CCDC171: variants seen among roughly 807,000 people sequenced by gnomAD.
CCDC171 encodes the protein coiled-coil domain containing 171, also known as coiled-coil domain-containing protein 171.
In CCDC171, 177 loss-of-function variants were observed where a neutral mutation model predicts 168.2. The ratio of observed to expected loss-of-function variants is 1.05; its 90% CI spans 0.93 to 1.19. The LOEUF is 1.19. CCDC171 is among the 50% of genes most tolerant of loss of function. The pLI, the probability that CCDC171 is intolerant of heterozygous loss-of-function variation, is 0.00. For missense variants in CCDC171, 1,991 were observed against 1,539.0 expected (o/e 1.29, Z -4.91); for synonymous variants, 687 against 540.8 (o/e 1.27, Z -3.75).
chr9:15,987,037 A>G (rs1046838891), intron 3 of CCDC171, among the ~76,000 whole-genome samples: 5 of 151,296 alleles, frequency 3.3e-5, no homozygotes, highest in South Asian at 2.1e-4. Flanking sequence ...TGTACTAGAA[A>G]TATACATAGG....
chr9:15,733,478 G>GTTT (rs77820713), intron 16 of CCDC171, among the ~76,000 whole-genome samples: 2 of 124,676 alleles, frequency 1.6e-5, no homozygotes, highest in Non-Finnish European at 3.4e-5. Context: ...ATTAAGGTCA[G>GTTT]TTTTTTTTTT....
At chr9:15,642,477 C>CTAGT (rs1206719030) in intron 7 of CCDC171, among the ~76,000 whole-genome samples, 1 of 150,790 alleles carries the variant, frequency 6.6e-6, no homozygotes, top group East Asian at 1.9e-4. Context: ...GAATGTTACA[C>CTAGT]TAGTTCTCCT....
chr9:15,972,289 C>T lies in CCDC171; in HGVS notation c.*453C>T, dbSNP rs1348798399. The T allele has an allele frequency of 6.2e-6, 1 of 161,676 alleles. No individual in the cohort carries two copies. Among genetic ancestry groups the T allele is most frequent in the Admixed American group, 6.3e-5 (1 of 15,950 alleles). The allele number at this position is 161,676 out of a possible 1,614,324, so 10.0% of individuals were successfully genotyped here. Reference sequence around the variant, plus strand: ...GCCATGGTTCACTGAGCCCCCTCTTCTCTCTTGTCAGCTCAACTGAAGACA... The same window carrying T: ...GCCATGGTTCACTGAGCCCCCTCTTTTCTCTTGTCAGCTCAACTGAAGACA... On this transcript the variant is annotated 3_prime_UTR_variant, in exon 26 of 26. Coordinates refer to ENST00000380701, the MANE Select transcript of CCDC171 (RefSeq NM_173550.4).
At chr9:15,762,606 C>A (rs1176298263) in intron 18 of CCDC171, among the ~76,000 whole-genome samples, 1 of 152,136 alleles carries the variant, frequency 6.6e-6, no homozygotes, top group Admixed American at 6.5e-5. Context: ...ATAGAATGAA[C>A]AACATTCTCA....
chr9:16,004,199 C>T (rs1832635626), intron 3 of CCDC171, among the ~76,000 whole-genome samples: 1 of 149,340 alleles, frequency 6.7e-6, no homozygotes, highest in African/African-American at 2.5e-5. Context: ...TGCACATTCA[C>T]ATTTGGGGTA....
intron 21 of CCDC171, among the ~76,000 whole-genome samples, chr9:15,797,749 A>C (rs576824122): frequency 6.6e-6 from 1 of 152,234 alleles, no homozygotes; most frequent in African/African-American, 2.4e-5. Context: ...TCATCTAAGA[A>C]ATGTTTGCCT....
At chr9:15,937,557 A>G (rs1230671424) in intron 25 of CCDC171, among the ~76,000 whole-genome samples, 1 of 151,960 alleles carries the variant, frequency 6.6e-6, no homozygotes, top group Non-Finnish European at 1.5e-5. Context: ...CTTATATACT[A>G]TGAATACTTT....
intron 8 of CCDC171, among the ~76,000 whole-genome samples, chr9:15,665,642 G>A (rs2048681847): frequency 1.3e-5 from 2 of 152,232 alleles, no homozygotes; most frequent in South Asian, 4.1e-4. Context: ...TTAGCTGGGT[G>A]TGGTGGTGTG....
rs1271134002 is a variant in CCDC171 at position 15,745,632 on chromosome 9, G to T, written c.2671+1G>T. 1.3e-6 allele frequency: 2 copies of T among 1,538,722 alleles called. No individual in the cohort carries two copies. The highest frequency in any genetic ancestry group is 2.2e-5 in the Admixed American group (1 of 45,464). ...TTACAAGACGTCATTGGTAAAGCAG[G>T]TATGGTTCCTTCTTTTATGTCCTTG... On this transcript the variant is annotated splice_donor_variant, in intron 18 of 25. Coordinates refer to ENST00000380701, the MANE Select transcript of CCDC171 (RefSeq NM_173550.4). LOFTEE classifies it high-confidence loss of function.
intron 1 of CCDC171, among the ~76,000 whole-genome samples, chr9:15,555,095 C>G (rs1001854636): frequency 3.3e-5 from 5 of 152,166 alleles, no homozygotes; most frequent in Non-Finnish European, 5.9e-5. Context: ...GCTCCGAAAT[C>G]TAAAGTAGAT....
rs1451743523 is a variant in CCDC171 at position 15,894,916 on chromosome 9, C to T, written c.3600+20253C>T. ...CAGGGCAGGGCTTTATATACTTTAC[C>T]ACAGTATCTTCAGCACCTAGAACAT... On this transcript the variant is annotated intron_variant, in intron 24 of 25. Transcript: ENST00000380701. 2.0e-5 allele frequency among the ~76,000 whole-genome samples: 3 copies of T among 152,046 alleles called. No homozygotes were observed. The East Asian group carries it at 5.8e-4, about 29-fold the overall frequency.
chr9:16,090,204 A>G, the CCDC171 span, among the ~76,000 whole-genome samples: 1 of 152,240 alleles, frequency 6.6e-6, no homozygotes, highest in African/African-American at 2.4e-5. Flanking sequence ...GATAAAGAAA[A>G]TGTGACACAT....
Position 15,623,355 on chromosome 9 carries a change from A to G in CCDC171, c.764A>G (p.Gln255Arg). The G allele has an allele frequency of 3.1e-6, 5 of 1,612,526 alleles. No homozygotes were observed. Among genetic ancestry groups the G allele is most frequent in the Non-Finnish European group, 4.2e-6 (5 of 1,179,096 alleles). ...HMDCSDLLRR[Q>R]TSELEFSTQR... ...GACTGCTCTGACCTTTTACGGCGAC[A>G]AACAAGTGAACTTGAATTTAGCACT... The change falls in exon 7 of 26, where the codon CAA becomes CGA. Residue 255 changes from glutamine to arginine, a missense_variant. Coordinates refer to ENST00000380701, the MANE Select transcript of CCDC171 (RefSeq NM_173550.4).
chr9:15,936,227 T>G (rs918986139), intron 25 of CCDC171, among the ~76,000 whole-genome samples: 12 of 152,026 alleles, frequency 7.9e-5, no homozygotes, highest in African/African-American at 2.4e-5. Flanking sequence ...TCTTTCTTAA[T>G]AACAGAGTTG....
intron 24 of CCDC171, among the ~76,000 whole-genome samples, chr9:15,889,626 G>C (rs938440868): frequency 6.6e-6 from 1 of 152,126 alleles, no homozygotes; most frequent in Non-Finnish European, 1.5e-5. Flanking sequence ...GCAAACTAAA[G>C]GCACATTTTC....
intron 3 of CCDC171, among the ~76,000 whole-genome samples, chr9:15,993,734 A>C (rs910109730): frequency 4.6e-5 from 7 of 152,152 alleles, no homozygotes; most frequent in Non-Finnish European, 7.3e-5. Flanking sequence ...CAAAGAACTC[A>C]AACAAATTTA....
At chr9:16,093,838 G>A in the CCDC171 span, among the ~76,000 whole-genome samples, 3 of 152,282 alleles carry the variant, frequency 2.0e-5, no homozygotes, top group African/African-American at 2.4e-5. Context: ...CAACTAGCTC[G>A]TGGATATAGA....
intron 16 of CCDC171, among the ~76,000 whole-genome samples, chr9:15,737,512 A>G (rs1230522433): frequency 6.6e-6 from 1 of 152,182 alleles, no homozygotes; most frequent in African/African-American, 2.4e-5. Flanking sequence ...TAATATTGCT[A>G]ATTTTCCACA....
intron 1 of CCDC171, among the ~76,000 whole-genome samples, chr9:15,561,819 A>G (rs1006397555): frequency 1.3e-5 from 2 of 152,168 alleles, no homozygotes; most frequent in East Asian, 3.9e-4. Context: ...GAGGAAGATG[A>G]AGAAAATTAA....
Sources: gnomAD v4.1 joint callset for allele counts (sites outside exome capture counted in the v4.1 genomes callset) on GRCh38, gnomAD v4.1.1 for gene constraint, MANE v1.5 for transcripts, NCBI Gene and HGNC (gene_info 2026-07-23, HGNC 2026-07-21) for gene names.